Variants in PARD3B observed in about 807,000 individuals in gnomAD.
The protein encoded by PARD3B is partitioning defective 3 homolog B.
PARD3B carries 103 observed loss-of-function variants against 130.2 expected under a neutral mutation model. That is an observed-to-expected ratio of 0.79 (90% CI 0.67 to 0.93). The LOEUF (loss-of-function observed/expected upper bound fraction) is 0.93. Among genes scored for constraint, PARD3B ranks in the 40% least tolerant of loss-of-function variants. The pLI, the probability that PARD3B is intolerant of heterozygous loss-of-function variation, is 0.00. For synonymous variants in PARD3B, 583 were observed against 553.2 expected (o/e 1.05, Z -0.76); for missense variants, 1,609 against 1,499.2 (o/e 1.07, Z -1.21).
intron 4 of PARD3B, among the ~76,000 whole-genome samples, chr2:205,072,192 A>T (rs59565569): frequency 6.6e-6 from 1 of 151,926 alleles, no homozygotes; most frequent in Non-Finnish European, 1.5e-5. Context: ...GACTGCTTAC[A>T]TTCTTATAAA....
At chr2:204,956,478 T>C (rs950617358) in intron 2 of PARD3B, among the ~76,000 whole-genome samples, 1 of 152,170 alleles carries the variant, frequency 6.6e-6, no homozygotes, top group Admixed American at 6.5e-5. Context: ...AGGTAAGATG[T>C]GTGTAATTTA....
intron 2 of PARD3B, among the ~76,000 whole-genome samples, chr2:204,949,546 T>G (rs1689597425): frequency 6.6e-6 from 1 of 152,134 alleles, no homozygotes; most frequent in Middle Eastern, 3.2e-3. Context: ...AGTCTCAAAC[T>G]CCTGGGCTCA....
At chr2:205,113,447 T>G (rs759415353) in intron 5 of PARD3B, 44 bp from the exon 6 acceptor site, 1 of 1,434,894 alleles carries the variant, frequency 7.0e-7, no homozygotes, top group South Asian at 1.2e-5. Flanking sequence ...TCCCTCTGTT[T>G]TTTAGCAGAC....
chr2:205,301,947 G>C lies in PARD3B; in HGVS notation c.2630+246G>C, dbSNP rs1052550935. ...AAAGGTCAACACTATGCCAGGCACG[G>C]TGGCTCATGCCTGTAATCTCAGTAC... On this transcript the variant is annotated intron_variant, in intron 18 of 22. Transcript: ENST00000406610. The surrounding 1 kb of genome is among the most constrained non-coding windows in gnomAD (Gnocchi z 5.2). 4.2e-6 allele frequency: 3 copies of C among 711,970 alleles called. No homozygotes were observed. Among genetic ancestry groups the C allele is most frequent in the Non-Finnish European group, 5.1e-6 (2 of 393,316 alleles). The allele number at this position is 711,970 out of a possible 1,614,324, so 44.1% of individuals were successfully genotyped here. A position where few individuals can be genotyped will look rare whatever the true frequency, so the allele number is the denominator to read the frequency against.
At position 205,470,359 on chromosome 2, in the gene PARD3B, C is replaced by T. The variant is rs1257162116; in HGVS notation, c.3045-29537C>T. On this transcript the variant is annotated intron_variant, in intron 20 of 22. Coordinates refer to ENST00000406610, the MANE Select transcript of PARD3B (RefSeq NM_001302769.2). This position sits in a 1 kb window ranked among gnomAD's most constrained non-coding sequence, Gnocchi z 4.8. ...CAACCCTCTTAGCTCCTGTTGAACTCGGCTTTTCTGACTGTCTTCAGACCT... is the reference window on the plus strand; with the variant it reads ...CAACCCTCTTAGCTCCTGTTGAACTTGGCTTTTCTGACTGTCTTCAGACCT... Among the ~76,000 whole-genome samples the T allele has an allele frequency of 1.3e-5, 2 of 152,152 alleles. No homozygotes were observed. The highest frequency in any genetic ancestry group is 1.9e-4 in the East Asian group (1 of 5,188).
intron 21 of PARD3B, among the ~76,000 whole-genome samples, chr2:205,519,124 G>A (rs535225250): frequency 2.9e-4 from 44 of 152,276 alleles, no homozygotes; most frequent in African/African-American, 9.1e-4. Context: ...GAGTTTGACC[G>A]TTGGCCTGTC....
At chr2:205,235,541 G>A (rs993327793) in intron 15 of PARD3B, among the ~76,000 whole-genome samples, 3 of 152,132 alleles carry the variant, frequency 2.0e-5, no homozygotes, top group African/African-American at 4.8e-5. Context: ...CCATAGTGCT[G>A]TAGAGGATAG....
In PARD3B at chr2:205,121,033, T is replaced by C. The variant is rs571499998; in HGVS notation, c.807-558T>C. ...GGTGCATGTTGGATTGAAATTCCACTGAGACATTTTGGCACAGCCAAAGCA... is the reference window on the plus strand; with the variant it reads ...GGTGCATGTTGGATTGAAATTCCACCGAGACATTTTGGCACAGCCAAAGCA... On this transcript the variant is annotated intron_variant, in intron 7 of 22. Transcript: ENST00000406610. This position sits in a 1 kb window ranked among gnomAD's most constrained non-coding sequence, Gnocchi z 5.0. Among the ~76,000 whole-genome samples, 10 of 152,210 alleles carry C rather than the reference T, an allele frequency of 6.6e-5. No individual in the cohort carries two copies. Among genetic ancestry groups the C allele is most frequent in the Non-Finnish European group, 1.5e-4 (10 of 68,028 alleles).
chr2:205,138,344 A>G (rs952101535), intron 10 of PARD3B, among the ~76,000 whole-genome samples: 5 of 152,136 alleles, frequency 3.3e-5, no homozygotes, highest in Admixed American at 2.0e-4. Context: ...CTCTTGACAT[A>G]TACGTGCATT....
At chr2:204,672,455 G>T (rs2036351013) in intron 1 of PARD3B, among the ~76,000 whole-genome samples, 1 of 152,260 alleles carries the variant, frequency 6.6e-6, no homozygotes, top group South Asian at 2.1e-4. Context: ...TAGAGGACCA[G>T]ATTGTTTTGT....
At chr2:205,540,030 A>G (rs1022524571) in intron 21 of PARD3B, among the ~76,000 whole-genome samples, 1 of 152,168 alleles carries the variant, frequency 6.6e-6, no homozygotes, top group Admixed American at 6.6e-5. Context: ...GAAGTCTGGG[A>G]GAGGGTTCCT....
chr2:204,912,552 C>T (rs2047279285), intron 2 of PARD3B, among the ~76,000 whole-genome samples: 1 of 152,064 alleles, frequency 6.6e-6, no homozygotes. Flanking sequence ...GCGAAGTATA[C>T]AGATTTTAAA....
chr2:205,386,942 CCTAA>C (rs1429925628), intron 18 of PARD3B, among the ~76,000 whole-genome samples: 2 of 151,942 alleles, frequency 1.3e-5, no homozygotes, highest in Non-Finnish European at 1.5e-5. Context: ...CAGATTTCTT[CCTAA>C]CTAAAAATGA....
At chr2:205,330,634 G>A (rs1574718271) in intron 18 of PARD3B, among the ~76,000 whole-genome samples, 1 of 152,152 alleles carries the variant, frequency 6.6e-6, no homozygotes, top group African/African-American at 2.4e-5. Context: ...AGCCCTTTTA[G>A]TTGTCATTTA....
At chr2:204,584,113 A>G (rs911581066) in intron 1 of PARD3B, among the ~76,000 whole-genome samples, 1 of 152,234 alleles carries the variant, frequency 6.6e-6, no homozygotes, top group Non-Finnish European at 1.5e-5. Context: ...GTTTGTGCTC[A>G]GAGGAGATGA....
At chr2:205,391,104 A>T (rs2045843233) in intron 18 of PARD3B, among the ~76,000 whole-genome samples, 1 of 152,244 alleles carries the variant, frequency 6.6e-6, no homozygotes, top group African/African-American at 2.4e-5. Flanking sequence ...GGGCCTGGGA[A>T]GGGCAAGTCA....
chr2:204,830,363 T>A (rs2043770862), intron 2 of PARD3B, among the ~76,000 whole-genome samples: 1 of 152,226 alleles, frequency 6.6e-6, no homozygotes, highest in Non-Finnish European at 1.5e-5. Context: ...GTTGTTTAAG[T>A]AATACCTTGC....
intron 10 of PARD3B, among the ~76,000 whole-genome samples, chr2:205,155,390 A>T (rs1433437970): frequency 1.3e-5 from 2 of 152,182 alleles, no homozygotes; most frequent in African/African-American, 4.8e-5. Context: ...ATAATAAACC[A>T]CAATGGATTT....
chr2:205,467,223 T>C (rs1262317114), intron 20 of PARD3B, among the ~76,000 whole-genome samples: 1 of 152,318 alleles, frequency 6.6e-6, no homozygotes, highest in East Asian at 1.9e-4. Context: ...TTTGTAATGG[T>C]CAAAAGAGAA....
Sources: allele counts gnomAD v4.1 joint callset (sites outside exome capture counted in the v4.1 genomes callset), GRCh38; gene constraint gnomAD v4.1.1; non-coding constraint Gnocchi (gnomAD v3.1); transcripts MANE v1.5; gene names NCBI Gene and HGNC (gene_info 2026-07-23, HGNC 2026-07-21).